AUH: variants seen among roughly 807,000 people sequenced by gnomAD.
AUH encodes the protein methylglutaconyl-CoA hydratase, mitochondrial.
In AUH, 29 loss-of-function variants were observed where a neutral mutation model predicts 42.3. That is an observed-to-expected ratio of 0.69 (90% CI 0.51 to 0.93). AUH has a LOEUF of 0.93. AUH is among the 40% of genes least tolerant of loss of function. The pLI, the probability that AUH is intolerant of heterozygous loss-of-function variation, is 0.00. For synonymous variants in AUH, 174 were observed against 166.4 expected (o/e 1.05, Z -0.35); for missense variants, 452 against 438.1 (o/e 1.03, Z -0.28).
chr9:91,216,044 G>C lies in AUH; in HGVS notation c.942+15C>G, dbSNP rs750261618. On this transcript the variant is annotated intron_variant, in intron 9 of 9. Coordinates refer to ENST00000375731, the MANE Select transcript of AUH (RefSeq NM_001698.3). ...TAAGGGTCATCCTCATTGAATTTGT[G>C]ATTGCATTACATACCTGAGCATAAC... The C allele has an allele frequency of 6.2e-7, 1 of 1,602,782 alleles. No individual in the cohort carries two copies. The highest frequency in any genetic ancestry group is 1.1e-5 in the South Asian group (1 of 90,850).
At chr9:91,232,589 A>G (rs568130440) in intron 6 of AUH, among the ~76,000 whole-genome samples, 79 of 152,236 alleles carry the variant, frequency 5.2e-4, no homozygotes, top group South Asian at 1.2e-3. Flanking sequence ...GTGTACCTAC[A>G]TGACGCTATG....
intron 3 of AUH, among the ~76,000 whole-genome samples, chr9:91,332,647 T>C (rs298717): frequency 0.65 from 98,249 of 152,070 alleles, 34,271 homozygotes; most frequent in East Asian, 0.95. Flanking sequence ...AGCACAGCTT[T>C]TGGCCAGAAG....
chr9:91,280,855 G>A (rs1216858501), intron 6 of AUH, among the ~76,000 whole-genome samples: 1 of 152,122 alleles, frequency 6.6e-6, no homozygotes, highest in Admixed American at 6.6e-5. Context: ...TTACATCAAG[G>A]TTCTTTTTTA....
intron 3 of AUH, among the ~76,000 whole-genome samples, chr9:91,352,267 C>T (rs1016567722): frequency 1.3e-5 from 2 of 151,736 alleles, no homozygotes; most frequent in South Asian, 2.1e-4. Context: ...AGGGAGACCC[C>T]GTCTCAAAAA....
At chr9:91,314,181 G>C (rs941049085) in intron 4 of AUH, among the ~76,000 whole-genome samples, 1 of 152,100 alleles carries the variant, frequency 6.6e-6, no homozygotes, top group Non-Finnish European at 1.5e-5. Context: ...AAGAGAAAAA[G>C]TTTCAAGAAA....
intron 6 of AUH, among the ~76,000 whole-genome samples, chr9:91,289,789 C>T (rs938718938): frequency 6.6e-6 from 1 of 152,076 alleles, no homozygotes; most frequent in Non-Finnish European, 1.5e-5. Context: ...GTGGATGGAG[C>T]AGAAGAAGAT....
At chr9:91,352,286 CAAAT>C (rs1444066617) in intron 3 of AUH, among the ~76,000 whole-genome samples, 3 of 152,074 alleles carry the variant, frequency 2.0e-5, no homozygotes, top group African/African-American at 7.2e-5. Context: ...AAAATAAAAA[CAAAT>C]AATCTTATGG....
intron 4 of AUH, among the ~76,000 whole-genome samples, chr9:91,309,662 G>C (rs73651415): frequency 0.04 from 6,023 of 152,168 alleles, 374 homozygotes; most frequent in African/African-American, 0.13. Flanking sequence ...GACTCCACAG[G>C]GGAGGACAGT....
chr9:91,360,235 T>C (rs780488013), intron 1 of AUH: 5 of 152,192 alleles, frequency 3.3e-5, no homozygotes, highest in Non-Finnish European at 5.9e-5. Context: ...AACATATTGT[T>C]GGTACACTTA....
At chr9:91,296,576 C>G (rs1485634874) in intron 5 of AUH, among the ~76,000 whole-genome samples, 3 of 152,174 alleles carry the variant, frequency 2.0e-5, no homozygotes, top group Non-Finnish European at 4.4e-5. Flanking sequence ...CAGGGTTCCT[C>G]TTTTCATGTC....
At chr9:91,348,820 T>C (rs1831733466) in intron 3 of AUH, among the ~76,000 whole-genome samples, 2 of 152,234 alleles carry the variant, frequency 1.3e-5, no homozygotes, top group Admixed American at 6.5e-5. Context: ...ATCATGATTC[T>C]GATCATGGTT....
intron 9 of AUH, among the ~76,000 whole-genome samples, chr9:91,215,515 GA>G (rs1826770206): frequency 6.6e-6 from 1 of 152,162 alleles, no homozygotes; most frequent in Non-Finnish European, 1.5e-5. Context: ...GTTCAGTACA[GA>G]TGCAACCATC....
chr9:91,314,346 C>T (rs2457714), intron 4 of AUH, among the ~76,000 whole-genome samples: 76,830 of 151,268 alleles, frequency 0.51, 22,816 homozygotes, highest in African/African-American at 0.83. Flanking sequence ...AAAACTTAGC[C>T]GGGCATGGTA....
At chr9:91,288,602 T>A (rs200619778) in intron 6 of AUH, among the ~76,000 whole-genome samples, 1 of 152,082 alleles carries the variant, frequency 6.6e-6, no homozygotes, top group East Asian at 1.9e-4. Context: ...TATATACACA[T>A]ATATATATTA....
chr9:91,235,220 G>C (rs998286079), intron 6 of AUH, among the ~76,000 whole-genome samples: 8 of 152,180 alleles, frequency 5.3e-5, no homozygotes, highest in Non-Finnish European at 1.2e-4. Flanking sequence ...GGCAAAATCA[G>C]AACAGGGTGC....
chr9:91,221,461 A>T (rs898628932), intron 6 of AUH, among the ~76,000 whole-genome samples: 3 of 152,256 alleles, frequency 2.0e-5, no homozygotes, highest in African/African-American at 7.2e-5. Flanking sequence ...AATACATTGT[A>T]AACACATTTT....
At chr9:91,340,179 C>T (rs1831000811) in intron 3 of AUH, among the ~76,000 whole-genome samples, 1 of 152,202 alleles carries the variant, frequency 6.6e-6, no homozygotes, top group Admixed American at 6.5e-5. Context: ...TTGTCAACAC[C>T]TATGTCCAGC....
At chr9:91,360,545 C>T (rs566733344) in intron 1 of AUH, 1 of 152,268 alleles carries the variant, frequency 6.6e-6, no homozygotes, top group South Asian at 2.1e-4. Context: ...TCATAACAAA[C>T]CTATAAAGTT....
chr9:91,214,565 A>G, intron 9 of AUH, 140 bp from the exon 10 acceptor site: 1 of 688,686 alleles, frequency 1.5e-6, no homozygotes, highest in East Asian at 2.8e-5. Flanking sequence ...CTAATTATGT[A>G]ACCAAACTCA....
Sources: allele counts gnomAD v4.1 joint callset (sites outside exome capture counted in the v4.1 genomes callset), GRCh38; gene constraint gnomAD v4.1.1; transcripts MANE v1.5; gene names NCBI Gene and HGNC (gene_info 2026-07-23, HGNC 2026-07-21).